The following SZT2 variants were observed in gnomAD, a reference collection of about 807,000 sequenced individuals.
SZT2 encodes KICSTOR complex protein SZT2.
SZT2 carries 216 observed loss-of-function variants against 404.2 expected under a neutral mutation model. That is an observed-to-expected ratio of 0.53 (90% CI 0.48 to 0.60). The LOEUF (loss-of-function observed/expected upper bound fraction) is 0.60. SZT2 is among the 20% of genes least tolerant of loss of function. The pLI is 0.00. For synonymous variants in SZT2, 1,693 were observed against 1,749.9 expected (o/e 0.97, Z 0.81); for missense variants, 3,857 against 4,459.2 (o/e 0.86, Z 3.85).
intron 14 of SZT2, 81 bp downstream of exon 14, chr1:43,422,964 G>T (rs1256112840): frequency 6.7e-7 from 1 of 1,499,206 alleles, no homozygotes; most frequent in Non-Finnish European, 9.0e-7. Context: ...CACAGGGCCA[G>T]GTCTAATAGA....
In SZT2 at chr1:43,443,043, C is replaced by T; in HGVS notation, c.8376C>T (p.Tyr2792=). 1 of 1,613,698 alleles carries T rather than the reference C, an allele frequency of 6.2e-7. No homozygotes were observed. The highest frequency in any genetic ancestry group is 2.2e-5 in the East Asian group (1 of 44,868). ...PVPRPPDPVT[Y]HGQQFLEIKM... ...CCAGACCTCCTGATCCTGTCACCTA[C>T]CATGGACAACAGTTCCTAGAGATCA... Residue 2792 remains tyrosine, a synonymous_variant, in exon 59 of 72, where the codon TAC becomes TAT. Coordinates refer to ENST00000634258, the MANE Select transcript of SZT2 (RefSeq NM_001365999.1).
intron 46 of SZT2, 137 bp from the exon 47 acceptor site, chr1:43,438,562 G>A (rs1654711118): frequency 2.5e-6 from 2 of 785,198 alleles, no homozygotes; most frequent in African/African-American, 1.7e-5. Flanking sequence ...ACCTAGTGCT[G>A]GCTACCTCCA....
chr1:43,453,579 C>T lies in SZT2; in HGVS notation c.*3099C>T, dbSNP rs987939146. Reference sequence around the variant, plus strand: ...GCACCCCCCAGCCCTCCCAGCCCTCCCGGCCCGCGACGCACCCGGGGGCGT... The same window carrying T: ...GCACCCCCCAGCCCTCCCAGCCCTCTCGGCCCGCGACGCACCCGGGGGCGT... On this transcript the variant is annotated 3_prime_UTR_variant, in exon 72 of 72. Transcript: ENST00000634258. The T allele has an allele frequency of 9.2e-6, 14 of 1,519,940 alleles. No individual in the cohort carries two copies. The highest frequency in any genetic ancestry group is 1.4e-5 in the African/African-American group (1 of 72,104). The allele number at this position is 1,519,940 out of a possible 1,614,324, so 94.2% of individuals were successfully genotyped here. A position where few individuals can be genotyped will look rare whatever the true frequency, so the allele number is the denominator to read the frequency against.
At chr1:43,409,506 T>A in intron 4 of SZT2, 1 of 396,662 alleles carries the variant, frequency 2.5e-6, no homozygotes, top group Non-Finnish European at 4.9e-6. Flanking sequence ...ATATGATCTT[T>A]TATTTGGAAA....
At chr1:43,418,339 G>A (rs1651939029) in intron 7 of SZT2, among the ~76,000 whole-genome samples, 1 of 152,224 alleles carries the variant, frequency 6.6e-6, no homozygotes, top group African/African-American at 2.4e-5. Context: ...AAGGAGGCTG[G>A]TGGAGTAAAG....
Position 43,448,227 on chromosome 1 carries a change from C to T in SZT2, c.9712C>T (p.Leu3238Phe), listed in dbSNP as rs748375092. ...TGGCAGCCCTGGGGAGGCCTCAGGG[C>T]TTATTCTAGCGCCTGGACCGGCTCC... ...SAGSPGEASG[L>F]ILAPGPAPLF... The change falls in exon 69 of 72, where the codon CTT becomes TTT. Residue 3238 changes from leucine (L) to phenylalanine (F), a missense_variant. Coordinates refer to ENST00000634258, the MANE Select transcript of SZT2 (RefSeq NM_001365999.1). The surrounding 1 kb of genome is among the most constrained non-coding windows in gnomAD (Gnocchi z 4.2). 6.2e-7 allele frequency: 1 copy of T among 1,603,412 alleles called. No homozygotes were observed.
chr1:43,390,435 C>A (rs1279378850), intron 1 of SZT2, among the ~76,000 whole-genome samples: 1 of 152,170 alleles, frequency 6.6e-6, no homozygotes, highest in East Asian at 1.9e-4. Context: ...GCTTTAATTT[C>A]ATGAAAAAAA....
At position 43,453,650 on chromosome 1, in the gene SZT2, C is replaced by G. The variant is rs953203497; in HGVS notation, c.*3170C>G. ...GCCCCGCTTCTCGCGCGGCGCGCGCCAGCGCCTCAGGCGTCTCCGCGTACG... is the reference window on the plus strand; with the variant it reads ...GCCCCGCTTCTCGCGCGGCGCGCGCGAGCGCCTCAGGCGTCTCCGCGTACG... On this transcript the variant is annotated 3_prime_UTR_variant, in exon 72 of 72. Coordinates refer to ENST00000634258, the MANE Select transcript of SZT2 (RefSeq NM_001365999.1). 2 of 1,491,160 alleles carry G rather than the reference C, an allele frequency of 1.3e-6. No homozygotes were observed. The highest frequency in any genetic ancestry group is 1.8e-6 in the Non-Finnish European group (2 of 1,127,858). 92.4% of individuals were successfully genotyped at this position (1,491,160 alleles called of 1,614,324 possible).
Position 43,448,037 on chromosome 1 carries a change from C to T in SZT2, c.9564-42C>T. 6.2e-7 allele frequency: 1 copy of T among 1,609,036 alleles called. No individual in the cohort carries two copies. The highest frequency in any genetic ancestry group is 1.3e-5 in the African/African-American group (1 of 74,932). On this transcript the variant is annotated intron_variant, in intron 68 of 71. Transcript: ENST00000634258. This position sits in a 1 kb window ranked among gnomAD's most constrained non-coding sequence, Gnocchi z 4.2. The stretch of plus-strand genomic sequence containing the variant: ...CTGCCCCACCCTGCCCTGTGTGTCT[C>T]TTGCTACAACCACCACTCTCCTGCC...
At position 43,439,326 on chromosome 1, in the gene SZT2, C is replaced by G. The variant is rs373277713; in HGVS notation, c.6793-32C>G. On this transcript the variant is annotated intron_variant, in intron 48 of 71. Coordinates refer to ENST00000634258, the MANE Select transcript of SZT2 (RefSeq NM_001365999.1). The surrounding 1 kb of genome is among the most constrained non-coding windows in gnomAD (Gnocchi z 4.2). ...CCCGAGGGTTTTGTCCATTTGCTTG[C>G]TCTTAGTGCTCTGTGGCTGTTCTTT... 3.2e-5 allele frequency: 52 copies of G among 1,611,724 alleles called. No individual in the cohort carries two copies. In the African/African-American group the frequency reaches 5.2e-4, roughly 16 times the overall value.
At position 43,427,117 on chromosome 1, in the gene SZT2, G is replaced by C; in HGVS notation, c.3371G>C (p.Cys1124Ser). The C allele has an allele frequency of 6.2e-7, 1 of 1,614,236 alleles. No individual in the cohort carries two copies. The highest frequency in any genetic ancestry group is 2.2e-5 in the East Asian group (1 of 44,878). The change falls in exon 24 of 72, where the codon TGC (cysteine) becomes TCC (serine). Residue 1124 changes from cysteine (C) to serine (S), a missense_variant. Cys to Ser is a moderately radical substitution (Grantham distance 112). Transcript: ENST00000634258. The part of the protein sequence containing the change: ...LISAQPPQWR[C>S]YARLVNPQHV... ...TCTGCCCAGCCCCCTCAGTGGCGCT[G>C]CTATGCAAGGCTTGTGAACCCCCAG...
intron 65 of SZT2, chr1:43,446,675 A>G (rs1210434884): frequency 4.8e-6 from 3 of 620,292 alleles, no homozygotes; most frequent in South Asian, 3.9e-5. Flanking sequence ...GCCTGTAGTC[A>G]TCTAGAGTCT....
intron 1 of SZT2, among the ~76,000 whole-genome samples, chr1:43,392,254 A>T (rs1354619045): frequency 6.6e-6 from 1 of 152,056 alleles, no homozygotes; most frequent in African/African-American, 2.4e-5. Flanking sequence ...TTTAAAATCT[A>T]GTGTTGTATT....
rs1263238997 is a variant in SZT2 at position 43,420,603 on chromosome 1, A to G, written c.1262-146A>G. 2 of 905,738 alleles carry G rather than the reference A, an allele frequency of 2.2e-6. No individual in the cohort carries two copies. Among genetic ancestry groups the G allele is most frequent in the Non-Finnish European group, 3.3e-6 (2 of 612,590 alleles). 56.1% of individuals were successfully genotyped at this position (905,738 alleles called of 1,614,324 possible). A position where few individuals can be genotyped will look rare whatever the true frequency, so the allele number is the denominator to read the frequency against. Reference sequence around the variant, plus strand: ...AACTTGTGTTTGTGTCAGTGGGCCAACTCTGGGCCTGAAACCTGTGGAACC... The same window carrying G: ...AACTTGTGTTTGTGTCAGTGGGCCAGCTCTGGGCCTGAAACCTGTGGAACC... On this transcript the variant is annotated intron_variant, in intron 9 of 71. Transcript: ENST00000634258. The surrounding 1 kb of genome is among the most constrained non-coding windows in gnomAD (Gnocchi z 5.1).
In SZT2 at chr1:43,420,073, C is replaced by G; in HGVS notation, c.1091-80C>G. On this transcript the variant is annotated intron_variant, in intron 8 of 71. Transcript: ENST00000634258. This position sits in a 1 kb window ranked among gnomAD's most constrained non-coding sequence, Gnocchi z 5.1. ...TGGCACTGTTACCTCACAGTCATTT[C>G]AGCATAGCCCCTTCCCCCTACAGAT... The G allele has an allele frequency of 1.3e-6, 2 of 1,571,084 alleles. No homozygotes were observed. The highest frequency in any genetic ancestry group is 1.7e-6 in the Non-Finnish European group (2 of 1,162,746).
In SZT2 at chr1:43,451,218, C is replaced by T. The variant is rs773617586; in HGVS notation, c.*738C>T. The T allele has an allele frequency of 1.4e-4, 220 of 1,612,318 alleles. No individual in the cohort carries two copies. The highest frequency in any genetic ancestry group is 2.1e-4 in the African/African-American group (16 of 74,916). Reference sequence around the variant, plus strand: ...GGATGTCACTCGCTGTCTGGAGGCACGTGGGTGGTGTGCGGGCCCTCACTG... The same window carrying T: ...GGATGTCACTCGCTGTCTGGAGGCATGTGGGTGGTGTGCGGGCCCTCACTG... On this transcript the variant is annotated 3_prime_UTR_variant, in exon 72 of 72. Transcript: ENST00000634258.
intron 41 of SZT2, among the ~76,000 whole-genome samples, chr1:43,434,898 G>A (rs192278929): frequency 4.6e-5 from 7 of 152,328 alleles, no homozygotes; most frequent in South Asian, 4.1e-4. Flanking sequence ...AAGCTGCTAC[G>A]AAAGCATGTA....
rs968409449 is a variant in SZT2 at position 43,443,779 on chromosome 1, C to T, written c.8808C>T (p.Pro2936=). 1.2e-6 allele frequency: 2 copies of T among 1,613,550 alleles called. No individual in the cohort carries two copies. The highest frequency in any genetic ancestry group is 1.1e-5 in the South Asian group (1 of 91,052). ...SIGFVLVPLR[P]PSPARSTSRP... is the part of the protein sequence containing the mutation. Reference sequence around the variant, plus strand: ...GTTTTGTGCTGGTACCACTGCGGCCCCCCTCACCCGCCCGCAGGTGAGCCC... The same window carrying T: ...GTTTTGTGCTGGTACCACTGCGGCCTCCCTCACCCGCCCGCAGGTGAGCCC... The change falls in exon 62 of 72, where the codon CCC becomes CCT. Residue 2936 remains proline, a synonymous_variant. Transcript: ENST00000634258.
intron 46 of SZT2, 120 bp downstream of exon 46, chr1:43,438,022 T>A (rs1030163586): frequency 1.4e-5 from 15 of 1,046,926 alleles, no homozygotes; most frequent in South Asian, 4.2e-5. Flanking sequence ...GCCCAAGACC[T>A]GACACATGTT....
Sources: gnomAD v4.1 joint callset for allele counts (sites outside exome capture counted in the v4.1 genomes callset) on GRCh38, gnomAD v4.1.1 for gene constraint, Gnocchi (gnomAD v3.1) non-coding constraint, MANE v1.5 for transcripts, NCBI Gene and HGNC (gene_info 2026-07-23, HGNC 2026-07-21) for gene names.